The following TCF4 variants were observed in gnomAD, a reference collection of about 807,000 sequenced individuals.
TCF4 encodes the protein transcription factor 4, also known as SL3-3 enhancer factor 2.
TCF4 carries 3 observed loss-of-function variants against 82.1 expected under a neutral mutation model. That is an observed-to-expected ratio of 0.04 (90% confidence interval 0.02 to 0.09). The LOEUF (loss-of-function observed/expected upper bound fraction) is 0.09, where lower values mean the gene tolerates loss of function less well. Ranked by LOEUF, TCF4 falls within the 10% of genes least tolerant of loss-of-function variation. The pLI, the probability that TCF4 is intolerant of heterozygous loss-of-function variation, is 1.00. For missense variants in TCF4, 518 were observed against 852.7 expected (o/e 0.61, Z 4.89); for synonymous variants, 276 against 309.6 (o/e 0.89, Z 1.14).
rs370693034 is a variant in TCF4 at position 55,425,516 on chromosome 18, G to GAAA, written c.305-22001_305-21999dup. Among the ~76,000 whole-genome samples, 909 of 145,230 alleles carry GAAA rather than the reference G, an allele frequency of 6.3e-3. 11 individuals are homozygous for GAAA. Among genetic ancestry groups the GAAA allele is most frequent in the African/African-American group, 0.022 (881 of 39,560 alleles). ...AAGGAACCTCATATCTGAAGTCAAG[G>GAAA]AAAAAAAAAAACAGAAAACATATTA... On this transcript the variant is annotated intron_variant, in intron 5 of 19. Coordinates refer to ENST00000354452, the MANE Select transcript of TCF4 (RefSeq NM_001083962.2).
intron 8 of TCF4, chr18:55,322,401 A>G: frequency 3.0e-6 from 3 of 986,784 alleles, no homozygotes; most frequent in Non-Finnish European, 3.6e-6. Flanking sequence ...CGACTCGGAG[A>G]AAGGGGAGGG....
intron 3 of TCF4, among the ~76,000 whole-genome samples, chr18:55,522,351 C>A (rs2096940056): frequency 6.6e-6 from 1 of 152,040 alleles, no homozygotes; most frequent in Non-Finnish European, 1.5e-5. Context: ...AGAAAAAAAT[C>A]TGCACAATAA....
intron 3 of TCF4, among the ~76,000 whole-genome samples, chr18:55,483,353 A>C (rs564979996): frequency 6.6e-6 from 1 of 152,234 alleles, no homozygotes; most frequent in African/African-American, 2.4e-5. Flanking sequence ...GGCACAATAC[A>C]TCTTTTCTCC....
chr18:55,403,409 C>A, intron 6 of TCF4, 45 bp downstream of exon 6: 2 of 1,601,630 alleles, frequency 1.2e-6, no homozygotes, highest in Non-Finnish European at 1.7e-6. Flanking sequence ...ACTGATTTAC[C>A]AGGTTAATCC....
intron 6 of TCF4, among the ~76,000 whole-genome samples, chr18:55,393,919 G>T (rs967377986): frequency 6.6e-6 from 1 of 152,124 alleles, no homozygotes; most frequent in Non-Finnish European, 1.5e-5. Context: ...TTTTTTACAG[G>T]TATAGTTTTC....
At chr18:55,580,183 T>C (rs1273608851) in intron 3 of TCF4, among the ~76,000 whole-genome samples, 1 of 152,008 alleles carries the variant, frequency 6.6e-6, no homozygotes, top group Non-Finnish European at 1.5e-5. Context: ...CTTCTGAATT[T>C]AGAAAATGTA....
intron 3 of TCF4, among the ~76,000 whole-genome samples, chr18:55,524,591 T>C (rs2096962480): frequency 6.6e-6 from 1 of 152,214 alleles, no homozygotes; most frequent in Non-Finnish European, 1.5e-5. Context: ...CTGATAAATC[T>C]GTATAAAAAT....
At chr18:55,628,290 G>C (rs1307576413) in intron 2 of TCF4, among the ~76,000 whole-genome samples, 1 of 152,148 alleles carries the variant, frequency 6.6e-6, no homozygotes, top group Non-Finnish European at 1.5e-5. Context: ...ATGGGAATTT[G>C]AGAGAGGCAC....
upstream of TCF4, among the ~76,000 whole-genome samples, chr18:55,592,685 C>G (rs1052919881): frequency 6.6e-6 from 1 of 152,028 alleles, no homozygotes; most frequent in East Asian, 1.9e-4. Context: ...ACCCCAGGAG[C>G]GAAGAGGAAG....
At chr18:55,364,719 T>C (rs2086388460) in intron 6 of TCF4, among the ~76,000 whole-genome samples, 1 of 152,196 alleles carries the variant, frequency 6.6e-6, no homozygotes, top group Admixed American at 6.5e-5. Context: ...TTCAAGAGCC[T>C]TCTACAGAAT....
intron 8 of TCF4, among the ~76,000 whole-genome samples, chr18:55,284,781 G>A (rs1042474808): frequency 7.2e-5 from 11 of 152,162 alleles, no homozygotes; most frequent in African/African-American, 2.7e-4. Flanking sequence ...AGCCACAGAC[G>A]CCCAAGTACT....
chr18:55,456,422 A>G (rs1465906011), intron 5 of TCF4, among the ~76,000 whole-genome samples: 5 of 152,214 alleles, frequency 3.3e-5, no homozygotes, highest in Non-Finnish European at 5.9e-5. Flanking sequence ...GGCCATGTGA[A>G]AGCATAGCCC....
intron 6 of TCF4, among the ~76,000 whole-genome samples, chr18:55,356,974 T>C (rs2083713898): frequency 6.6e-6 from 1 of 152,156 alleles, no homozygotes; most frequent in African/African-American, 2.4e-5. Context: ...TATATTTAAA[T>C]GTCATAATGT....
chr18:55,321,363 A>C, intron 8 of TCF4: 1 of 213,566 alleles, frequency 4.7e-6, no homozygotes, highest in Non-Finnish European at 9.3e-6. Context: ...AAAACTCTTT[A>C]AAAAAAAAAA....
chr18:55,546,381 G>C (rs1381651618), intron 3 of TCF4, among the ~76,000 whole-genome samples: 1 of 151,966 alleles, frequency 6.6e-6, no homozygotes, highest in Non-Finnish European at 1.5e-5. Flanking sequence ...TACAGATGTA[G>C]AAACAAGAAT....
At chr18:55,265,398 AC>A (rs1185013408) in intron 11 of TCF4, 1 of 152,158 alleles carries the variant, frequency 6.6e-6, no homozygotes, top group African/African-American at 2.4e-5. Flanking sequence ...TCCTACTACA[AC>A]CATTTTAAAA....
At chr18:55,469,714 G>A (rs2096130100) in intron 3 of TCF4, 1 of 152,172 alleles carries the variant, frequency 6.6e-6, no homozygotes, top group Non-Finnish European at 1.5e-5. Flanking sequence ...TGGGAGTTGG[G>A]ATAAAGAGCT....
intron 11 of TCF4, chr18:55,269,575 G>A: frequency 2.0e-6 from 1 of 496,302 alleles, no homozygotes; most frequent in Non-Finnish European, 3.7e-6. Context: ...GATAGTTTTG[G>A]TCTGTTTGAA....
At chr18:55,416,524 C>T (rs971782976) in intron 5 of TCF4, among the ~76,000 whole-genome samples, 7 of 152,084 alleles carry the variant, frequency 4.6e-5, no homozygotes, top group Admixed American at 2.0e-4. Context: ...TCTCTATTCA[C>T]GAAACAAAAA....
Sources: allele counts gnomAD v4.1 joint callset (sites outside exome capture counted in the v4.1 genomes callset), GRCh38; gene constraint gnomAD v4.1.1; transcripts MANE v1.5; gene names NCBI Gene and HGNC (gene_info 2026-07-23, HGNC 2026-07-21).